TFG: variants seen among roughly 807,000 people sequenced by gnomAD.
TFG encodes trafficking from ER to golgi regulator.
In TFG, 22 loss-of-function variants were observed where a neutral mutation model predicts 51.4. The ratio of observed to expected loss-of-function variants is 0.43; its 90% CI spans 0.31 to 0.61. The LOEUF (loss-of-function observed/expected upper bound fraction) is 0.61. TFG is among the 20% of genes least tolerant of loss of function. The probability of loss-of-function intolerance (pLI) is 0.12; values close to 1 mark genes in which losing one functional copy is unlikely to be tolerated. For missense variants in TFG, 419 were observed against 487.7 expected, an observed-to-expected ratio of 0.86 and a Z score of 1.33; for synonymous variants, 187 against 165.6, an observed-to-expected ratio of 1.13 and a Z score of -0.99.
chr3:100,748,042 T>A (rs1165416035), intron 7 of TFG, 107 bp from the exon 8 acceptor site: 11 of 1,004,226 alleles, frequency 1.1e-5, no homozygotes, highest in Non-Finnish European at 1.5e-5. Flanking sequence ...ACATACATAT[T>A]TATTAAATTT....
chr3:100,712,839 A>G (rs2095034856), intron 1 of TFG, among the ~76,000 whole-genome samples: 1 of 152,226 alleles, frequency 6.6e-6, no homozygotes, highest in Admixed American at 6.5e-5. Flanking sequence ...CTCTCAGTTA[A>G]CACTTGATAA....
chr3:100,734,538 A>T (rs1456774291), intron 5 of TFG, among the ~76,000 whole-genome samples: 1 of 152,090 alleles, frequency 6.6e-6, no homozygotes, highest in Non-Finnish European at 1.5e-5. Context: ...TTTAATTCTT[A>T]TCCATTCTAA....
At chr3:100,729,710 A>G (rs768945051) in intron 4 of TFG, among the ~76,000 whole-genome samples, 16 of 152,168 alleles carry the variant, frequency 1.1e-4, no homozygotes, top group Non-Finnish European at 2.2e-4. Flanking sequence ...AAAGGGCTTA[A>G]CATGAGATAA....
chr3:100,740,639 A>G (rs1374261084), intron 6 of TFG, among the ~76,000 whole-genome samples: 1 of 152,142 alleles, frequency 6.6e-6, no homozygotes, highest in Non-Finnish European at 1.5e-5. Flanking sequence ...CTAAGAATAT[A>G]AACGATACCA....
intron 3 of TFG, 134 bp from the exon 4 acceptor site, chr3:100,728,578 A>AG: frequency 1.4e-6 from 1 of 694,366 alleles, no homozygotes; most frequent in South Asian, 2.8e-5. Flanking sequence ...TTTTTAAAAA[A>AG]AAAGTTACTC....
rs759020275 is a variant in TFG at position 100,728,670 on chromosome 3, C to T, written c.269-42C>T. 8 of 1,502,800 alleles carry T rather than the reference C, an allele frequency of 5.3e-6. No individual in the cohort carries two copies. The South Asian group carries it at 1.1e-4, about 20-fold the overall frequency. The allele number at this position is 1,502,800 out of a possible 1,614,324, so 93.1% of individuals were successfully genotyped here. On this transcript the variant is annotated intron_variant, in intron 3 of 7. Coordinates refer to ENST00000240851, the MANE Select transcript of TFG (RefSeq NM_006070.6). ...GTTGCATATTATTAGTATACTTATT[C>T]ATGAACTTCTAATTTTAAGCAAATA...
At chr3:100,709,753 C>T (rs1184586630) in intron 1 of TFG, 32 bp downstream of exon 1, 2 of 151,380 alleles carry the variant, frequency 1.3e-5, no homozygotes, top group Admixed American at 6.6e-5. Flanking sequence ...GTTGCGGGCG[C>T]TCTGTCCGAG....
intron 3 of TFG, among the ~76,000 whole-genome samples, chr3:100,724,907 G>A (rs2095070750): frequency 6.6e-6 from 1 of 152,080 alleles, no homozygotes; most frequent in African/African-American, 2.4e-5. Flanking sequence ...TGAATAAAAG[G>A]GAATTCTTTT....
chr3:100,739,578 A>G (rs932396194), intron 6 of TFG, among the ~76,000 whole-genome samples: 4 of 152,190 alleles, frequency 2.6e-5, no homozygotes, highest in Admixed American at 6.5e-5. Flanking sequence ...TAAAATCTTT[A>G]AAATCATATG....
chr3:100,712,493 T>G (rs1479244173), intron 1 of TFG, among the ~76,000 whole-genome samples: 2 of 152,228 alleles, frequency 1.3e-5, no homozygotes, highest in Non-Finnish European at 2.9e-5. Flanking sequence ...GAGATCATTT[T>G]CTTGGGGCAG....
chr3:100,747,560 A>C (rs1459892544), intron 7 of TFG: 2 of 152,476 alleles, frequency 1.3e-5, no homozygotes, highest in Non-Finnish European at 1.5e-5. Context: ...TTTATGGGGC[A>C]ATATGGTATG....
At chr3:100,718,773 G>C (rs969436229) in intron 2 of TFG, among the ~76,000 whole-genome samples, 1 of 151,952 alleles carries the variant, frequency 6.6e-6, no homozygotes, top group African/African-American at 2.4e-5. Context: ...GGCCAGGCTG[G>C]TCTCGAACTC....
chr3:100,728,835 C>A lies in TFG; in HGVS notation c.392C>A (p.Pro131His). 6.2e-7 allele frequency: 1 copy of A among 1,605,586 alleles called. No homozygotes were observed. Among genetic ancestry groups the A allele is most frequent in the Non-Finnish European group, 8.5e-7 (1 of 1,176,498 alleles). The change falls in exon 4 of 8, where the codon CCT becomes CAT. Residue 131 changes from proline to histidine, a missense_variant. Transcript: ENST00000240851. ...TTGGAACCACCTGGAGAACCAGGAC[C>A]TTCCACCAATATTCCTGAAAATGGT... is the stretch of plus-strand genomic sequence containing the variant. ...DSLEPPGEPG[P>H]STNIPENDTV...
intron 3 of TFG, among the ~76,000 whole-genome samples, chr3:100,726,411 AC>A (rs34803009): frequency 0.24 from 36,962 of 151,974 alleles, 5,393 homozygotes; most frequent in Non-Finnish European, 0.34. Context: ...CTCTGGCAAC[AC>A]CCTCACAGAC....
chr3:100,748,347 C>G lies in TFG; in HGVS notation c.1019C>G (p.Thr340Ser). The G allele has an allele frequency of 6.2e-7, 1 of 1,614,112 alleles. No individual in the cohort carries two copies. Among genetic ancestry groups the G allele is most frequent in the East Asian group, 2.2e-5 (1 of 44,878 alleles). Residue 340 changes from threonine (T) to serine (S), a missense_variant, in exon 8 of 8, where the codon ACT becomes AGT. This residue lies in a region of TFG where 391 missense variants were observed against 434.4 expected (regional missense o/e 0.90). Transcript: ENST00000240851. ...TAQTSQPTNY[T>S]VAPASQPGMA... ...CAAACTTCTCAGCCTACTAATTATA[C>G]TGTGGCTCCTGCCTCTCAACCTGGA...
Position 100,736,577 on chromosome 3 carries a change from G to A in TFG, c.582G>A (p.Gly194=), listed in dbSNP as rs1435661421. 2 of 1,613,684 alleles carry A rather than the reference G, an allele frequency of 1.2e-6. No individual in the cohort carries two copies. The highest frequency in any genetic ancestry group is 8.5e-7 in the Non-Finnish European group (1 of 1,179,842). ...ACTGACTTTTTTTTGACTATCCAGG[G>A]CCACCCAGTGCTCCTGCAGAAGATC... ...AFGLTDDQVS[G]PPSAPAEDRS... The change falls in exon 6 of 8, where the codon GGG becomes GGA. Residue 194 remains glycine (G), a splice_region_variant and synonymous_variant. Transcript: ENST00000240851.
At position 100,748,722 on chromosome 3, in the gene TFG, C is replaced by T. The variant is rs1035874149; in HGVS notation, c.*191C>T. 9.6e-6 allele frequency: 6 copies of T among 625,280 alleles called. No homozygotes were observed. The highest frequency in any genetic ancestry group is 2.7e-5 in the South Asian group (1 of 37,020). 38.7% of individuals were successfully genotyped at this position (625,280 alleles called of 1,614,324 possible). The stretch of plus-strand genomic sequence containing the variant: ...GACCAAAATGAAAGTTTTTTCCTCC[C>T]TGCTTAAAAATGTAGCAGCTTCTTA... On this transcript the variant is annotated 3_prime_UTR_variant, in exon 8 of 8. Coordinates refer to ENST00000240851, the MANE Select transcript of TFG (RefSeq NM_006070.6).
chr3:100,724,971 T>A (rs2095070948), intron 3 of TFG, among the ~76,000 whole-genome samples: 1 of 152,230 alleles, frequency 6.6e-6, no homozygotes, highest in Non-Finnish European at 1.5e-5. Flanking sequence ...TGGTGCGATC[T>A]CAGCTCACTG....
intron 3 of TFG, among the ~76,000 whole-genome samples, chr3:100,724,912 TC>T (rs2095070764): frequency 6.6e-6 from 1 of 152,208 alleles, no homozygotes; most frequent in Non-Finnish European, 1.5e-5. Flanking sequence ...AAAAGGGAAT[TC>T]TTTTTTGTGA....
Sources: allele counts gnomAD v4.1 joint callset (sites outside exome capture counted in the v4.1 genomes callset), GRCh38; gene constraint gnomAD v4.1.1; regional missense constraint gnomAD v4.1.1; transcripts MANE v1.5; gene names NCBI Gene and HGNC (gene_info 2026-07-23, HGNC 2026-07-21).